Variants in PKNOX1 observed in about 807,000 individuals in gnomAD.
PKNOX1 encodes PBX/knotted 1 homeobox 1, also known as homeobox protein PKNOX1.
Under a neutral mutation model 51.9 loss-of-function variants are expected in PKNOX1, and 15 were observed. The ratio of observed to expected loss-of-function variants is 0.29; its 90% CI spans 0.19 to 0.45. The LOEUF (loss-of-function observed/expected upper bound fraction) is 0.45, where lower values mean the gene tolerates loss of function less well. Ranked by LOEUF, PKNOX1 falls within the 20% of genes least tolerant of loss-of-function variation. The pLI, the probability that PKNOX1 is intolerant of heterozygous loss-of-function variation, is 1.00. For missense variants in PKNOX1, 462 were observed against 547.5 expected (o/e 0.84, Z 1.56); for synonymous variants, 219 against 211.1 (o/e 1.04, Z -0.32).
rs528285817 is a variant in PKNOX1, at chr21:43,021,500, T to C, written c.849+69T>C. 10 of 1,481,790 alleles carry C rather than the reference T, an allele frequency of 6.7e-6. No homozygotes were observed. In the East Asian group the frequency reaches 2.4e-4, roughly 35 times the overall value. The allele number at this position is 1,481,790 out of a possible 1,614,324, so 91.8% of individuals were successfully genotyped here. A position where few individuals can be genotyped will look rare whatever the true frequency, so the allele number is the denominator to read the frequency against. On this transcript the variant is annotated intron_variant, in intron 8 of 10. Coordinates refer to ENST00000291547, the MANE Select transcript of PKNOX1 (RefSeq NM_004571.5). This position sits in a 1 kb window ranked among gnomAD's most constrained non-coding sequence, Gnocchi z 4.6. ...CGCTTGCTCTCTGGCTTATGTGTCA[T>C]GGAAAAGGGTTACTTCTCTGGGCTC...
chr21:42,984,545 C>T (rs1261400609), intron 1 of PKNOX1, among the ~76,000 whole-genome samples: 2 of 151,766 alleles, frequency 1.3e-5, no homozygotes, highest in Admixed American at 6.6e-5. Context: ...TGTGCCACCC[C>T]GCCTGGCTAA....
chr21:43,024,720 G>C (rs778078872), intron 8 of PKNOX1, 151 bp from the exon 9 acceptor site: 1 of 610,942 alleles, frequency 1.6e-6, no homozygotes, highest in Non-Finnish European at 2.9e-6. Context: ...GAAACACTTT[G>C]TTCGTGAGAC....
intron 9 of PKNOX1, among the ~76,000 whole-genome samples, chr21:43,027,379 C>T (rs958231524): frequency 6.6e-6 from 1 of 152,018 alleles, no homozygotes; most frequent in African/African-American, 2.4e-5. Flanking sequence ...GCAAAGTGGC[C>T]CAGTCAGTGG....
chr21:43,000,179 C>T (rs1047344031), intron 1 of PKNOX1, among the ~76,000 whole-genome samples: 4 of 152,198 alleles, frequency 2.6e-5, no homozygotes, highest in East Asian at 1.9e-4. Context: ...CAAACTGTTG[C>T]ACCCTCTGCC....
intron 7 of PKNOX1, among the ~76,000 whole-genome samples, chr21:43,020,944 C>T (rs1979725307): frequency 6.6e-6 from 1 of 152,174 alleles, no homozygotes; most frequent in South Asian, 2.1e-4. Flanking sequence ...CCTGCCTCTA[C>T]AAAAAGTAGA....
At chr21:42,987,740 T>C (rs963118579) in intron 1 of PKNOX1, among the ~76,000 whole-genome samples, 12 of 150,646 alleles carry the variant, frequency 8.0e-5, no homozygotes, top group African/African-American at 2.7e-4. Flanking sequence ...TGCCTCAGCC[T>C]ACAGAGTAGC....
At chr21:42,990,108 A>T (rs1418166686) in intron 1 of PKNOX1, among the ~76,000 whole-genome samples, 2 of 150,922 alleles carry the variant, frequency 1.3e-5, no homozygotes, top group Non-Finnish European at 3.0e-5. Context: ...AAAAAAAAAA[A>T]ATAATAATAA....
chr21:43,016,865 C>G, intron 5 of PKNOX1, 43 bp from the exon 6 acceptor site: 1 of 1,319,420 alleles, frequency 7.6e-7, no homozygotes, highest in Non-Finnish European at 1.1e-6. Flanking sequence ...ATGGGTTTTC[C>G]GTTTTCTAGT....
intron 4 of PKNOX1, among the ~76,000 whole-genome samples, chr21:43,012,620 A>T (rs1446603829): frequency 2.6e-5 from 4 of 152,228 alleles, no homozygotes; most frequent in Admixed American, 6.5e-5. Flanking sequence ...CGCAAGAGAA[A>T]ATCTTGAGGA....
chr21:42,987,242 C>T (rs577167050), intron 1 of PKNOX1, among the ~76,000 whole-genome samples: 17 of 151,074 alleles, frequency 1.1e-4, no homozygotes, highest in African/African-American at 3.6e-4. Flanking sequence ...ACTAGCTGGG[C>T]GTGGTGGCGC....
intron 1 of PKNOX1, among the ~76,000 whole-genome samples, chr21:42,991,230 T>TAA (rs2059085546): frequency 2.0e-5 from 3 of 151,768 alleles, no homozygotes; most frequent in African/African-American, 2.4e-5. Flanking sequence ...CTCACAGCTG[T>TAA]AACCCCAGCA....
chr21:43,016,986 G>A lies in PKNOX1; in HGVS notation c.601G>A (p.Val201Ile), dbSNP rs767613797. The A allele has an allele frequency of 2.3e-5, 37 of 1,612,302 alleles. No individual in the cohort carries two copies. The highest frequency in any genetic ancestry group is 1.8e-4 in the Admixed American group (11 of 59,998). ...VPASALQQGN[V>I]AMATVAGGTV... is the part of the protein sequence containing the mutation. ...GGCGTCCGCGCTGCAGCAGGGAAAC[G>A]TAGCCATGGCGACGGTGGCAGGTAC... Residue 201 changes from valine to isoleucine, a missense_variant, in exon 6 of 11, where the codon GTA (valine) becomes ATA (isoleucine). By Grantham distance (29) the Val-to-Ile change is conservative. This residue lies in a region of PKNOX1 where 126 missense variants were observed against 128.1 expected (regional missense o/e 0.98). Transcript: ENST00000291547.
chr21:43,005,269 A>G (rs538362713), intron 2 of PKNOX1, among the ~76,000 whole-genome samples: 2 of 152,184 alleles, frequency 1.3e-5, no homozygotes, highest in Non-Finnish European at 1.5e-5. Flanking sequence ...GGTGGCAAGG[A>G]TCAGGCTCCG....
At chr21:43,023,344 C>T (rs1347568703) in intron 8 of PKNOX1, among the ~76,000 whole-genome samples, 7 of 152,054 alleles carry the variant, frequency 4.6e-5, no homozygotes, top group Non-Finnish European at 7.4e-5. Flanking sequence ...CATCTGAGGC[C>T]GCTCCGTCCC....
intron 5 of PKNOX1, among the ~76,000 whole-genome samples, chr21:43,014,301 A>G (rs577941961): frequency 4.4e-4 from 67 of 152,052 alleles, no homozygotes; most frequent in East Asian, 7.7e-4. Flanking sequence ...GATTACAAGC[A>G]TGAGCTACCA....
chr21:42,992,833 C>T lies in PKNOX1; in HGVS notation c.-56-11493C>T, dbSNP rs367939948. On this transcript the variant is annotated intron_variant, in intron 1 of 10. Coordinates refer to ENST00000291547, the MANE Select transcript of PKNOX1 (RefSeq NM_004571.5). ...GGGGGCTTCCTCACAGCAATGGGGG[C>T]CTTCCTCACGGTATCGGGGGCTCCC... Among the ~76,000 whole-genome samples, 8 of 135,624 alleles carry T rather than the reference C, an allele frequency of 5.9e-5. No individual in the cohort carries two copies. In the South Asian group the frequency reaches 7.2e-4, roughly 12 times the overall value. The allele number at this position is 135,624 out of a possible 152,430, so 89.0% of individuals were successfully genotyped here.
chr21:42,987,404 A>AAAAAAATATAT, intron 1 of PKNOX1, among the ~76,000 whole-genome samples: 4 of 41,408 alleles, frequency 9.7e-5, no homozygotes, highest in African/African-American at 2.8e-4. Flanking sequence ...AAAAAAAAAA[A>AAAAAAATATAT]ATATATATAT....
In PKNOX1 at chr21:43,010,162, G is replaced by T; in HGVS notation, c.289G>T (p.Val97Leu). 1 of 1,605,940 alleles carries T rather than the reference G, an allele frequency of 6.2e-7. No homozygotes were observed. The highest frequency in any genetic ancestry group is 8.5e-7 in the Non-Finnish European group (1 of 1,174,656). Residue 97 changes from valine (V) to leucine (L), a missense_variant, in exon 4 of 11, where the codon GTA becomes TTA. This residue lies in a region of PKNOX1 where 129 missense variants were observed against 133.4 expected (regional missense o/e 0.97). Transcript: ENST00000291547. ...ASFDVDIENF[V>L]RKQEKEGKPF... ...TTTTGATGTAGACATCGAAAATTTT[G>T]TAAGAAAGCAAGAGAAGGAAGGGAA...
At chr21:43,015,607 G>A (rs1349438185) in intron 5 of PKNOX1, among the ~76,000 whole-genome samples, 1 of 152,168 alleles carries the variant, frequency 6.6e-6, no homozygotes, top group Non-Finnish European at 1.5e-5. Flanking sequence ...GGATTGGGAA[G>A]TATTCCCTCC....
Sources: gnomAD v4.1 joint callset for allele counts (sites outside exome capture counted in the v4.1 genomes callset) on GRCh38, gnomAD v4.1.1 for gene constraint, gnomAD v4.1.1 regional missense constraint, Gnocchi (gnomAD v3.1) non-coding constraint, MANE v1.5 for transcripts, NCBI Gene and HGNC (gene_info 2026-07-23, HGNC 2026-07-21) for gene names.